ARHGEF3: variants seen among roughly 807,000 people sequenced by gnomAD.
ARHGEF3 encodes the protein 59.8 kDA protein.
Under a neutral mutation model 63.2 loss-of-function variants are expected in ARHGEF3, and 28 were observed. That is an observed-to-expected ratio of 0.44 (90% CI 0.33 to 0.61). The LOEUF (loss-of-function observed/expected upper bound fraction) is 0.61, where lower values mean the gene tolerates loss of function less well. Ranked by LOEUF, ARHGEF3 falls within the 20% of genes least tolerant of loss-of-function variation. The probability of loss-of-function intolerance (pLI) is 0.03; values close to 1 mark genes in which losing one functional copy is unlikely to be tolerated. For missense variants in ARHGEF3, 533 were observed against 659.3 expected (o/e 0.81, Z 2.10); for synonymous variants, 266 against 254.2 (o/e 1.05, Z -0.44).
chr3:56,889,178 CT>C (rs2041030302), intron 3 of ARHGEF3, among the ~76,000 whole-genome samples: 1 of 152,106 alleles, frequency 6.6e-6, no homozygotes, highest in South Asian at 2.1e-4. Context: ...GGTTGGCTAC[CT>C]TCTGATATCA....
chr3:57,068,475 C>T (rs1423003106), intron 1 of ARHGEF3, among the ~76,000 whole-genome samples: 1 of 152,206 alleles, frequency 6.6e-6, no homozygotes, highest in Non-Finnish European at 1.5e-5. Flanking sequence ...CAAAAGGACT[C>T]AGGCAATCAT....
intron 3 of ARHGEF3, among the ~76,000 whole-genome samples, chr3:56,921,487 G>A (rs2042141600): frequency 7.1e-6 from 1 of 141,122 alleles, no homozygotes; most frequent in African/African-American, 2.6e-5. Context: ...AAGCCAGTGA[G>A]AAATAAAAAG....
At chr3:57,031,334 C>A (rs574080721) in intron 2 of ARHGEF3, among the ~76,000 whole-genome samples, 1 of 152,180 alleles carries the variant, frequency 6.6e-6, no homozygotes, top group African/African-American at 2.4e-5. Flanking sequence ...ATTCTCCTGA[C>A]AGAAAAGTCT....
chr3:56,794,635 A>G (rs2037256536), intron 1 of ARHGEF3, among the ~76,000 whole-genome samples: 1 of 152,172 alleles, frequency 6.6e-6, no homozygotes. Flanking sequence ...GATTGGTTCC[A>G]GAACCCTCTC....
At chr3:56,833,858 C>T (rs758893170) in intron 4 of ARHGEF3, among the ~76,000 whole-genome samples, 1 of 152,184 alleles carries the variant, frequency 6.6e-6, no homozygotes, top group Non-Finnish European at 1.5e-5. Flanking sequence ...CTCACACATT[C>T]ACCAAGCTGG....
intron 2 of ARHGEF3, among the ~76,000 whole-genome samples, chr3:57,015,046 C>T (rs1702929734): frequency 2.6e-5 from 4 of 151,814 alleles, no homozygotes; most frequent in Admixed American, 2.6e-4. Flanking sequence ...TGCCAACAAC[C>T]TGAAATTATT....
chr3:56,965,645 C>CTT (rs759458048), intron 2 of ARHGEF3, among the ~76,000 whole-genome samples: 37 of 133,332 alleles, frequency 2.8e-4, no homozygotes, highest in East Asian at 4.3e-4. Context: ...AAACTACATT[C>CTT]TTTTTTTTTT....
intron 4 of ARHGEF3, among the ~76,000 whole-genome samples, chr3:56,858,087 T>C (rs999556515): frequency 2.6e-5 from 4 of 151,736 alleles, no homozygotes; most frequent in African/African-American, 9.7e-5. Flanking sequence ...TATAAAAAAA[T>C]ACAAAAATTA....
intron 3 of ARHGEF3, among the ~76,000 whole-genome samples, chr3:56,933,695 C>T (rs573327694): frequency 6.6e-6 from 1 of 152,330 alleles, no homozygotes; most frequent in Non-Finnish European, 1.5e-5. Flanking sequence ...TGCTAGATTA[C>T]AGGCTTGAGC....
chr3:56,752,292 A>T (rs1317298680), intron 4 of ARHGEF3, among the ~76,000 whole-genome samples: 5 of 152,212 alleles, frequency 3.3e-5, no homozygotes, highest in African/African-American at 4.8e-5. Flanking sequence ...TCCTGACCTC[A>T]AGTGATCCTT....
intron 3 of ARHGEF3, among the ~76,000 whole-genome samples, chr3:56,954,408 G>C (rs1001906203): frequency 6.6e-6 from 1 of 152,148 alleles, no homozygotes; most frequent in East Asian, 1.9e-4. Context: ...AACCAGATGG[G>C]AGCAGATGTG....
In ARHGEF3 at chr3:56,745,433, G is replaced by A. The variant is rs1406883355; in HGVS notation, c.642C>T (p.Tyr214=). ...CTTTGGCGGCTACTTGATTGCTGCA[G>A]TAGCTATCATAGGAGCTGAGGCAAG... is the stretch of plus-strand genomic sequence containing the variant. The part of the protein sequence containing the change: ...WLPCLSSYDS[Y]CSNQVAAKAL... The change falls in exon 7 of 10, where the codon TAC becomes TAT. Residue 214 remains tyrosine, a synonymous_variant. Coordinates refer to ENST00000296315, the MANE Select transcript of ARHGEF3 (RefSeq NM_019555.3). 16 of 1,614,078 alleles carry A rather than the reference G, an allele frequency of 9.9e-6. No individual in the cohort carries two copies. Among genetic ancestry groups the A allele is most frequent in the Admixed American group, 1.7e-5 (1 of 60,016 alleles).
Position 56,741,310 on chromosome 3 carries a change from C to G in ARHGEF3, c.870+3895G>C, listed in dbSNP as rs576002805. On this transcript the variant is annotated intron_variant, in intron 7 of 9. Coordinates refer to ENST00000296315, the MANE Select transcript of ARHGEF3 (RefSeq NM_019555.3). ...AAGTGATTCGCTTGCCTCAGCCTCC[C>G]GTGTAGCTGGGATTACAGGCATGCA... Among the ~76,000 whole-genome samples the G allele has an allele frequency of 8.9e-4, 134 of 151,252 alleles. 1 individual carries two copies. The highest frequency in any genetic ancestry group is 3.1e-3 in the African/African-American group (128 of 41,228).
At chr3:56,860,362 T>C (rs2040032229) in intron 4 of ARHGEF3, among the ~76,000 whole-genome samples, 1 of 151,962 alleles carries the variant, frequency 6.6e-6, no homozygotes, top group Non-Finnish European at 1.5e-5. Context: ...TATAATTTTT[T>C]TGTAGAGATG....
upstream of ARHGEF3, chr3:56,802,027 A>C (rs1039388799): frequency 2.1e-6 from 3 of 1,413,218 alleles, no homozygotes; most frequent in Non-Finnish European, 1.8e-6. Flanking sequence ...CCGGCTCGGC[A>C]CCGCCCCACG....
chr3:56,839,441 C>A (rs1190695851), intron 4 of ARHGEF3, among the ~76,000 whole-genome samples: 1 of 152,016 alleles, frequency 6.6e-6, no homozygotes, highest in African/African-American at 2.4e-5. Context: ...CAAATAAAGT[C>A]TGTCATTTCC....
chr3:56,844,173 A>T (rs1233659282), intron 4 of ARHGEF3, among the ~76,000 whole-genome samples: 1 of 152,230 alleles, frequency 6.6e-6, no homozygotes, highest in Non-Finnish European at 1.5e-5. Context: ...TGTTTCTATT[A>T]TGTAGGATTT....
Position 56,755,037 on chromosome 3 carries a change from T to C in ARHGEF3, c.319A>G (p.Thr107Ala). Residue 107 changes from threonine (T) to alanine (A), a missense_variant, in exon 3 of 10, where the codon ACC becomes GCC. Physicochemically the swap from Thr to Ala is moderately conservative, Grantham distance 58. Transcript: ENST00000296315. ...KRRDSKLWSETFDVCVNQMLT... is the reference protein window; with the variant it reads ...KRRDSKLWSEAFDVCVNQMLT... ...ATCTGATTGACGCACACATCGAAGG[T>C]CTCACTCCACAGCTTGCTATCTCTC... is the stretch of plus-strand genomic sequence containing the variant. 1 of 1,614,100 alleles carries C rather than the reference T, an allele frequency of 6.2e-7. No homozygotes were observed. The highest frequency in any genetic ancestry group is 8.5e-7 in the Non-Finnish European group (1 of 1,180,030).
chr3:56,795,514 T>C (rs2037304688), intron 1 of ARHGEF3, among the ~76,000 whole-genome samples: 1 of 152,186 alleles, frequency 6.6e-6, no homozygotes, highest in South Asian at 2.1e-4. Flanking sequence ...CAATCAGGGC[T>C]ACCTTCTCTC....
Sources: allele counts gnomAD v4.1 joint callset (sites outside exome capture counted in the v4.1 genomes callset), GRCh38; gene constraint gnomAD v4.1.1; transcripts MANE v1.5; gene names NCBI Gene and HGNC (gene_info 2026-07-23, HGNC 2026-07-21).